Variants in LRMDA observed in about 807,000 individuals in gnomAD.
LRMDA encodes the protein leucine-rich melanocyte differentiation-associated protein.
In LRMDA, 18 loss-of-function variants were observed where a neutral mutation model predicts 29.8. That is an observed-to-expected ratio of 0.60 (90% CI 0.42 to 0.90). The LOEUF (loss-of-function observed/expected upper bound fraction) is 0.90. Among genes scored for constraint, LRMDA ranks in the 40% least tolerant of loss-of-function variants. The pLI, the probability that LRMDA is intolerant of heterozygous loss-of-function variation, is 0.00. For missense variants in LRMDA, 273 were observed against 273.9 expected (o/e 1.00, Z 0.02); for synonymous variants, 125 against 109.4 (o/e 1.14, Z -0.89).
chr10:75,553,036 C>T (rs566631396), intron 2 of LRMDA, among the ~76,000 whole-genome samples: 5 of 152,294 alleles, frequency 3.3e-5, no homozygotes, highest in African/African-American at 1.2e-4. Flanking sequence ...ACATCTGCAT[C>T]ACATCTGTTT....
At chr10:76,062,697 T>TGTGTGTGTG (rs71024583) in intron 5 of LRMDA, among the ~76,000 whole-genome samples, 1 of 148,914 alleles carries the variant, frequency 6.7e-6, no homozygotes, top group South Asian at 2.1e-4. Flanking sequence ...TGTGTGTGTG[T>TGTGTGTGTG]TATTAGTTGA....
intron 2 of LRMDA, among the ~76,000 whole-genome samples, chr10:75,849,424 T>C (rs1235510763): frequency 6.6e-6 from 1 of 151,768 alleles, no homozygotes; most frequent in Non-Finnish European, 1.5e-5. Context: ...TATAAAGCCA[T>C]AAAAAGGAAT....
intron 2 of LRMDA, among the ~76,000 whole-genome samples, chr10:75,977,122 CCCTTTTTTTTTTTTTT>C (rs1005613679): frequency 7.3e-6 from 1 of 136,202 alleles, no homozygotes; most frequent in Non-Finnish European, 1.6e-5. Flanking sequence ...TTCTTTTCTT[CCCTTTTTTTTTTTTTT>C]CCTTTTTTAA....
intron 6 of LRMDA, among the ~76,000 whole-genome samples, chr10:76,456,411 C>G (rs1342574586): frequency 6.6e-6 from 1 of 152,124 alleles, no homozygotes; most frequent in Non-Finnish European, 1.5e-5. Flanking sequence ...TCCCTGGTGA[C>G]TACAAAAGCA....
At chr10:75,971,648 A>G (rs748261981) in intron 2 of LRMDA, among the ~76,000 whole-genome samples, 2 of 152,194 alleles carry the variant, frequency 1.3e-5, no homozygotes, top group Non-Finnish European at 2.9e-5. Flanking sequence ...GACTCTTGGA[A>G]AAACACTCCA....
chr10:75,929,689 C>A (rs1038705937), intron 2 of LRMDA, among the ~76,000 whole-genome samples: 5 of 152,074 alleles, frequency 3.3e-5, no homozygotes, highest in Non-Finnish European at 5.9e-5. Context: ...GTGGGTTAGT[C>A]TTTTAGAATT....
intron 6 of LRMDA, among the ~76,000 whole-genome samples, chr10:76,477,701 G>C (rs1470720712): frequency 6.6e-6 from 1 of 152,064 alleles, no homozygotes; most frequent in Non-Finnish European, 1.5e-5. Flanking sequence ...TACCAAAGCA[G>C]AGATATAGAC....
intron 2 of LRMDA, among the ~76,000 whole-genome samples, chr10:75,981,189 G>T (rs566606853): frequency 6.6e-6 from 1 of 152,234 alleles, no homozygotes; most frequent in East Asian, 1.9e-4. Flanking sequence ...TAGTTTCTTT[G>T]CTGGCTTGGT....
intron 2 of LRMDA, among the ~76,000 whole-genome samples, chr10:75,814,500 T>C (rs1427321325): frequency 2.0e-5 from 3 of 152,206 alleles, no homozygotes; most frequent in African/African-American, 7.2e-5. Flanking sequence ...TATTGGACTT[T>C]CGTTTTGTTT....
chr10:76,422,851 G>C (rs1397325000), intron 6 of LRMDA, among the ~76,000 whole-genome samples: 2 of 152,124 alleles, frequency 1.3e-5, no homozygotes, highest in African/African-American at 4.8e-5. Context: ...TCCATCTGAA[G>C]TCTTTGTTCT....
chr10:75,505,331 T>C (rs1218730618), intron 2 of LRMDA, among the ~76,000 whole-genome samples: 1 of 152,152 alleles, frequency 6.6e-6, no homozygotes, highest in Admixed American at 6.5e-5. Flanking sequence ...CTCACTAGTA[T>C]GTTCACATTC....
At chr10:76,394,688 A>G (rs1841762322) in intron 6 of LRMDA, among the ~76,000 whole-genome samples, 1 of 152,168 alleles carries the variant, frequency 6.6e-6, no homozygotes, top group East Asian at 1.9e-4. Context: ...TCACAACAGA[A>G]TGCAAGGCGG....
chr10:75,769,855 T>C (rs905152866), intron 2 of LRMDA, among the ~76,000 whole-genome samples: 1 of 152,118 alleles, frequency 6.6e-6, no homozygotes, highest in African/African-American at 2.4e-5. Flanking sequence ...TGGTGGCACA[T>C]GTCTGTAATC....
At chr10:75,778,257 T>C (rs1209304087) in intron 2 of LRMDA, among the ~76,000 whole-genome samples, 1 of 152,086 alleles carries the variant, frequency 6.6e-6, no homozygotes, top group Non-Finnish European at 1.5e-5. Context: ...TTTGTATTTT[T>C]AGTAGGGACG....
At chr10:75,864,776 C>T (rs1844993165) in intron 2 of LRMDA, among the ~76,000 whole-genome samples, 2 of 152,130 alleles carry the variant, frequency 1.3e-5, no homozygotes, top group Non-Finnish European at 2.9e-5. Context: ...TCTATATATT[C>T]ATTTTTGTTT....
chr10:75,844,023 T>C (rs931314824), intron 2 of LRMDA, among the ~76,000 whole-genome samples: 1 of 152,044 alleles, frequency 6.6e-6, no homozygotes, highest in Non-Finnish European at 1.5e-5. Flanking sequence ...CCCCTGTAGA[T>C]GAAAAAGTCC....
intron 2 of LRMDA, among the ~76,000 whole-genome samples, chr10:75,560,737 G>A (rs1840282163): frequency 6.6e-6 from 1 of 151,358 alleles, no homozygotes; most frequent in Admixed American, 6.6e-5. Context: ...AGAGTTTTTA[G>A]CATGAAGCAT....
chr10:75,461,115 T>C (rs973388450), intron 2 of LRMDA, among the ~76,000 whole-genome samples: 3 of 152,140 alleles, frequency 2.0e-5, no homozygotes, highest in African/African-American at 4.8e-5. Flanking sequence ...ATTTATTTAA[T>C]AGAAATTTTA....
intron 5 of LRMDA, among the ~76,000 whole-genome samples, chr10:76,292,133 C>G (rs938508078): frequency 6.6e-6 from 1 of 152,182 alleles, no homozygotes; most frequent in African/African-American, 2.4e-5. Context: ...GAGGTCAGTA[C>G]AAGGTTGCCC....
Sources: allele counts gnomAD v4.1 joint callset (sites outside exome capture counted in the v4.1 genomes callset), GRCh38; gene constraint gnomAD v4.1.1; transcripts MANE v1.5; gene names NCBI Gene and HGNC (gene_info 2026-07-23, HGNC 2026-07-21).